MGAT4C: variants seen among roughly 807,000 people sequenced by gnomAD.
MGAT4C encodes the protein alpha-1,3-mannosyl-glycoprotein 4-beta-N-acetylglucosaminyltransferase C.
MGAT4C carries 19 observed loss-of-function variants against 40.1 expected under a neutral mutation model. The ratio of observed to expected loss-of-function variants is 0.47; its 90% confidence interval spans 0.33 to 0.70. The LOEUF (loss-of-function observed/expected upper bound fraction) is 0.70, where lower values mean the gene tolerates loss of function less well. Ranked by LOEUF, MGAT4C falls within the 30% of genes least tolerant of loss-of-function variation. The pLI is 0.02. For synonymous variants in MGAT4C, 181 were observed against 187.1 expected (o/e 0.97, Z 0.27); for missense variants, 491 against 563.2 (o/e 0.87, Z 1.30).
At chr12:86,100,630 G>A (rs541832208) in intron 1 of MGAT4C, among the ~76,000 whole-genome samples, 1 of 151,386 alleles carries the variant, frequency 6.6e-6, no homozygotes, top group Admixed American at 6.6e-5. Context: ...TATTCATTGT[G>A]TAGAGTGTAT....
At chr12:86,732,698 T>C (rs1429225780) in intron 1 of MGAT4C, among the ~76,000 whole-genome samples, 3 of 152,078 alleles carry the variant, frequency 2.0e-5, no homozygotes, top group Admixed American at 1.3e-4. Context: ...TCTCTTGCTC[T>C]CTGGCCACTC....
At chr12:86,310,232 G>C (rs1403458584) in intron 4 of MGAT4C, among the ~76,000 whole-genome samples, 3 of 152,072 alleles carry the variant, frequency 2.0e-5, no homozygotes, top group African/African-American at 4.8e-5. Flanking sequence ...AATGTGGCCA[G>C]TGTTTCATTT....
chr12:86,125,005 A>G (rs1880012763), intron 1 of MGAT4C, among the ~76,000 whole-genome samples: 1 of 152,172 alleles, frequency 6.6e-6, no homozygotes, highest in African/African-American at 2.4e-5. Flanking sequence ...TGTGACCAGA[A>G]TGAAGAAAGA....
At chr12:86,023,306 T>C (rs1292949154) in intron 2 of MGAT4C, among the ~76,000 whole-genome samples, 1 of 152,022 alleles carries the variant, frequency 6.6e-6, no homozygotes, top group Non-Finnish European at 1.5e-5. Context: ...AAGTATTGAT[T>C]TATTTTTCTC....
chr12:86,680,870 G>T (rs750154970), intron 2 of MGAT4C, among the ~76,000 whole-genome samples: 70 of 151,794 alleles, frequency 4.6e-4, no homozygotes, highest in Non-Finnish European at 1.6e-4. Context: ...TGTGAATTTA[G>T]AGCTGTTTGA....
chr12:86,730,988 C>G (rs1950898642), intron 1 of MGAT4C, among the ~76,000 whole-genome samples: 1 of 152,082 alleles, frequency 6.6e-6, no homozygotes, highest in Non-Finnish European at 1.5e-5. Context: ...CACAGAGAGA[C>G]AGTAATTTGC....
At chr12:86,088,222 T>A (rs1037816116) in intron 1 of MGAT4C, among the ~76,000 whole-genome samples, 1 of 151,936 alleles carries the variant, frequency 6.6e-6, no homozygotes, top group South Asian at 2.1e-4. Flanking sequence ...AGAAATCAAC[T>A]CAAGATGAAT....
intron 4 of MGAT4C, among the ~76,000 whole-genome samples, chr12:86,268,035 G>A (rs371476981): frequency 3.5e-4 from 53 of 152,238 alleles, no homozygotes; most frequent in African/African-American, 1.1e-3. Context: ...TAGATTTGAA[G>A]TATCAAGGGA....
chr12:86,484,797 C>T (rs1157700655), intron 2 of MGAT4C, among the ~76,000 whole-genome samples: 20 of 152,128 alleles, frequency 1.3e-4, no homozygotes, highest in Admixed American at 1.3e-3. Flanking sequence ...GGACATGGCA[C>T]CAGTGATCAG....
chr12:86,508,046 C>T (rs1255213535), intron 2 of MGAT4C, among the ~76,000 whole-genome samples: 2 of 151,362 alleles, frequency 1.3e-5, no homozygotes, highest in Admixed American at 1.3e-4. Context: ...TTATGTGTGT[C>T]TTTAATATTT....
In MGAT4C at chr12:86,827,074, G is replaced by A. The variant is rs1952822381; in HGVS notation, c.-262+11592C>T. On this transcript the variant is annotated intron_variant, in intron 1 of 7. Coordinates refer to the MGAT4C transcript ENST00000548651. ...GAAAAATTGAATGATATCACTTAGA[G>A]GATCACAAGAAAAACATTTCAGACA... Among the ~76,000 whole-genome samples, 4 of 151,082 alleles carry A rather than the reference G, an allele frequency of 2.6e-5. No individual in the cohort carries two copies. In the South Asian group the frequency reaches 8.3e-4, roughly 31 times the overall value.
intron 2 of MGAT4C, among the ~76,000 whole-genome samples, chr12:86,544,353 T>C (rs1294154632): frequency 2.0e-5 from 3 of 152,180 alleles, no homozygotes; most frequent in Non-Finnish European, 4.4e-5. Flanking sequence ...TCAATTCAAT[T>C]ATATTTTAAT....
At chr12:85,999,918 G>T (rs1028312323) in intron 2 of MGAT4C, among the ~76,000 whole-genome samples, 1 of 152,150 alleles carries the variant, frequency 6.6e-6, no homozygotes, top group Non-Finnish European at 1.5e-5. Flanking sequence ...AATTAGACAG[G>T]AAGTATAAGT....
intron 4 of MGAT4C, among the ~76,000 whole-genome samples, chr12:86,299,217 G>C (rs915850532): frequency 3.3e-5 from 5 of 152,174 alleles, no homozygotes; most frequent in African/African-American, 1.2e-4. Flanking sequence ...CTGGGGTTCA[G>C]TTCATTCTCC....
chr12:86,681,134 A>T (rs1339153804), intron 2 of MGAT4C, among the ~76,000 whole-genome samples: 1 of 152,070 alleles, frequency 6.6e-6, no homozygotes, highest in African/African-American at 2.4e-5. Context: ...CTCTCTATGT[A>T]TGGATGCTAT....
At chr12:86,494,132 A>C (rs1462808010) in intron 2 of MGAT4C, among the ~76,000 whole-genome samples, 1 of 152,056 alleles carries the variant, frequency 6.6e-6, no homozygotes, top group Admixed American at 6.6e-5. Context: ...ATGGTCATTC[A>C]CATCCCCTTT....
chr12:86,137,109 C>T (rs1055054260), intron 1 of MGAT4C, among the ~76,000 whole-genome samples: 1 of 152,166 alleles, frequency 6.6e-6, no homozygotes, highest in South Asian at 2.1e-4. Context: ...ACCAGAATGT[C>T]CCAGAGTCAC....
chr12:86,241,576 T>C (rs1472392742), intron 1 of MGAT4C, among the ~76,000 whole-genome samples: 1 of 152,192 alleles, frequency 6.6e-6, no homozygotes, highest in Non-Finnish European at 1.5e-5. Context: ...CTGACATTTT[T>C]GTAGATTGGG....
At chr12:86,476,932 G>A (rs755935687) in intron 2 of MGAT4C, among the ~76,000 whole-genome samples, 24 of 151,994 alleles carry the variant, frequency 1.6e-4, no homozygotes, top group Non-Finnish European at 3.5e-4. Context: ...ACTACACAGG[G>A]AAATGATGAA....
Sources: gnomAD v4.1 joint callset for allele counts (sites outside exome capture counted in the v4.1 genomes callset) on GRCh38, gnomAD v4.1.1 for gene constraint, MANE v1.5 for transcripts, NCBI Gene and HGNC (gene_info 2026-07-23, HGNC 2026-07-21) for gene names.